TRPM3: variants seen among roughly 807,000 people sequenced by gnomAD.
TRPM3 encodes transient receptor potential cation channel subfamily M member 3.
A neutral mutation model predicts 181.2 loss-of-function variants in TRPM3; 77 were observed. The ratio of observed to expected loss-of-function variants is 0.42; its 90% CI spans 0.35 to 0.51. The LOEUF (loss-of-function observed/expected upper bound fraction) is 0.51. TRPM3 is among the 20% of genes least tolerant of loss of function. TRPM3 has a pLI of 0.01. For synonymous variants in TRPM3, 745 were observed against 796.4 expected (o/e 0.94, Z 1.09); for missense variants, 1,759 against 2,196.7 (o/e 0.80, Z 3.98).
chr9:70,917,168 A>G, intron 1 of TRPM3: 1 of 1,605,876 alleles, frequency 6.2e-7, no homozygotes, highest in Non-Finnish European at 8.5e-7. Flanking sequence ...GTCCAGTTCT[A>G]GGAGGAGTTT....
intron 1 of TRPM3, among the ~76,000 whole-genome samples, chr9:71,314,037 C>T (rs1351497814): frequency 2.0e-5 from 3 of 152,014 alleles, no homozygotes. Context: ...TTCATAAACA[C>T]CACTGTTAAA....
intron 25 of TRPM3, among the ~76,000 whole-genome samples, chr9:70,540,772 G>T (rs1305925157): frequency 6.6e-6 from 1 of 152,148 alleles, no homozygotes; most frequent in East Asian, 1.9e-4. Context: ...ACCCAGGCTG[G>T]CGTGCAGTGG....
intron 1 of TRPM3, among the ~76,000 whole-genome samples, chr9:70,949,239 G>C (rs926643834): frequency 1.3e-5 from 2 of 151,922 alleles, no homozygotes; most frequent in Non-Finnish European, 2.9e-5. Flanking sequence ...ATAATTTTTA[G>C]TAGAGATGAG....
At chr9:71,183,702 G>T (rs1187700574) in intron 1 of TRPM3, among the ~76,000 whole-genome samples, 1 of 151,894 alleles carries the variant, frequency 6.6e-6, no homozygotes, top group African/African-American at 2.4e-5. Context: ...TCACATTCTT[G>T]CAGCTAATAA....
At chr9:70,647,461 C>CA (rs1216967462) in intron 9 of TRPM3, among the ~76,000 whole-genome samples, 2 of 152,074 alleles carry the variant, frequency 1.3e-5, no homozygotes, top group African/African-American at 4.8e-5. Context: ...TCTTAATAGA[C>CA]ACAGAAAAAG....
chr9:71,304,430 G>T (rs752513057), intron 1 of TRPM3, among the ~76,000 whole-genome samples: 1 of 152,104 alleles, frequency 6.6e-6, no homozygotes, highest in Non-Finnish European at 1.5e-5. Flanking sequence ...TGTAAGGACT[G>T]GTTTAAGCTG....
At chr9:70,891,964 A>G (rs2096210987) in intron 1 of TRPM3, among the ~76,000 whole-genome samples, 1 of 152,176 alleles carries the variant, frequency 6.6e-6, no homozygotes, top group Non-Finnish European at 1.5e-5. Context: ...TATATAAGAA[A>G]GTTTACTTCA....
At chr9:71,202,242 G>A (rs535166442) in intron 1 of TRPM3, among the ~76,000 whole-genome samples, 14 of 152,224 alleles carry the variant, frequency 9.2e-5, no homozygotes, top group East Asian at 5.8e-4. Flanking sequence ...TGCCCCTACC[G>A]GGGGGTGCCT....
intron 1 of TRPM3, among the ~76,000 whole-genome samples, chr9:70,989,215 T>C (rs1225677816): frequency 6.6e-6 from 1 of 152,220 alleles, no homozygotes; most frequent in Non-Finnish European, 1.5e-5. Flanking sequence ...AAATTCCTCC[T>C]GTTGTCTTTT....
At chr9:71,429,809 C>T (rs952341002) in intron 1 of TRPM3, among the ~76,000 whole-genome samples, 1 of 152,160 alleles carries the variant, frequency 6.6e-6, no homozygotes, top group African/African-American at 2.4e-5. Context: ...TCTCCTACCC[C>T]TCTTTTCCAT....
At chr9:70,861,899 T>A (rs1316426363) in intron 3 of TRPM3, among the ~76,000 whole-genome samples, 1 of 129,510 alleles carries the variant, frequency 7.7e-6, no homozygotes, top group Non-Finnish European at 1.5e-5. Flanking sequence ...AATAGCTCAG[T>A]CAGCCATTCG....
intron 9 of TRPM3, among the ~76,000 whole-genome samples, chr9:70,649,069 G>A (rs1189014787): frequency 1.3e-5 from 2 of 151,998 alleles, no homozygotes; most frequent in African/African-American, 2.4e-5. Context: ...TAAAGAATAT[G>A]AGAAAATATT....
intron 1 of TRPM3, among the ~76,000 whole-genome samples, chr9:71,292,519 AAG>A (rs1417293899): frequency 6.6e-6 from 1 of 152,014 alleles, no homozygotes; most frequent in Non-Finnish European, 1.5e-5. Context: ...ATATGGTAAA[AAG>A]AACATTCTTA....
intron 1 of TRPM3, among the ~76,000 whole-genome samples, chr9:71,141,234 AT>A (rs2075082420): frequency 1.3e-5 from 2 of 152,186 alleles, no homozygotes; most frequent in Admixed American, 1.3e-4. Context: ...GCGTAACTTA[AT>A]TTGAACAATA....
chr9:70,940,708 A>G (rs796678199), intron 1 of TRPM3, among the ~76,000 whole-genome samples: 9 of 152,350 alleles, frequency 5.9e-5, no homozygotes, highest in African/African-American at 2.2e-4. Flanking sequence ...AGGAGATGGC[A>G]TTGGAACTAA....
intron 1 of TRPM3, among the ~76,000 whole-genome samples, chr9:70,929,837 C>T (rs61193958): frequency 0.088 from 13,354 of 152,200 alleles, 677 homozygotes; most frequent in African/African-American, 0.14. Context: ...CTCCTTACCC[C>T]TGCCTCTATT....
At chr9:71,007,090 ACAG>A (rs1240457121) in intron 1 of TRPM3, among the ~76,000 whole-genome samples, 13 of 117,030 alleles carry the variant, frequency 1.1e-4, no homozygotes, top group East Asian at 2.5e-4. Context: ...TAAGTCAGGA[ACAG>A]AAAAAAAAAA....
chr9:70,826,662 GA>G (rs1462831475), intron 6 of TRPM3: 1 of 152,210 alleles, frequency 6.6e-6, no homozygotes, highest in Non-Finnish European at 1.5e-5. Flanking sequence ...GACAGGTGCA[GA>G]GAAAAATCTA....
At chr9:70,753,661 T>G (rs2076571458) in intron 8 of TRPM3, among the ~76,000 whole-genome samples, 1 of 152,126 alleles carries the variant, frequency 6.6e-6, no homozygotes, top group Non-Finnish European at 1.5e-5. Flanking sequence ...AGGCGTTTGA[T>G]CTCAGGCTCG....
Sources: allele counts gnomAD v4.1 joint callset (sites outside exome capture counted in the v4.1 genomes callset), GRCh38; gene constraint gnomAD v4.1.1; transcripts MANE v1.5; gene names NCBI Gene and HGNC (gene_info 2026-07-23, HGNC 2026-07-21).